The following ZNF202 variants were observed in gnomAD, a reference collection of about 807,000 sequenced individuals.
ZNF202 encodes zinc finger protein 202.
Under a neutral mutation model 54.5 loss-of-function variants are expected in ZNF202, and 22 were observed. The ratio of observed to expected loss-of-function variants is 0.40; its 90% confidence interval spans 0.29 to 0.58. ZNF202 has a LOEUF of 0.58. ZNF202 is among the 20% of genes least tolerant of loss of function. ZNF202 has a pLI of 0.39. For synonymous variants in ZNF202, 294 were observed against 301.4 expected (o/e 0.98, Z 0.26); for missense variants, 644 against 805.5 (o/e 0.80, Z 2.43).
At chr11:123,739,928 C>A (rs1281785783) in intron 3 of ZNF202, among the ~76,000 whole-genome samples, 189 bp downstream of exon 3, 1 of 152,142 alleles carries the variant, frequency 6.6e-6, no homozygotes, top group East Asian at 1.9e-4. Flanking sequence ...CCTTCAGGTG[C>A]TTATAGTAAG....
At chr11:123,727,112 G>T in intron 8 of ZNF202, 121 bp from the exon 9 acceptor site, 2 of 1,263,392 alleles carry the variant, frequency 1.6e-6, no homozygotes, top group African/African-American at 1.5e-5. Context: ...CCTGTCCTGT[G>T]CCAAGCACTT....
Position 123,723,936 on chromosome 11 carries a change from C to T in ZNF202, c.*2061G>A, listed in dbSNP as rs1173071473. On this transcript the variant is annotated 3_prime_UTR_variant, in exon 9 of 9. Coordinates refer to ENST00000530393, the MANE Select transcript of ZNF202 (RefSeq NM_003455.4). ...AGCTTTCCCTCATGTAGAACTCTGACAGATTTTCATTTATTGGAATAATGC... is the reference window on the plus strand; with the variant it reads ...AGCTTTCCCTCATGTAGAACTCTGATAGATTTTCATTTATTGGAATAATGC... 6.6e-6 allele frequency among the ~76,000 whole-genome samples: 1 copy of T among 152,186 alleles called. No homozygotes were observed. The highest frequency in any genetic ancestry group is 2.4e-5 in the African/African-American group (1 of 41,442).
At chr11:123,740,219 C>A (rs1003031131) in intron 2 of ZNF202, 27 bp from the exon 3 acceptor site, 2 of 152,186 alleles carry the variant, frequency 1.3e-5, no homozygotes, top group Non-Finnish European at 2.9e-5. Flanking sequence ...ACACAGAGTA[C>A]AAAAAGGGTA....
chr11:123,726,003 G>A lies in ZNF202; in HGVS notation c.1941C>T (p.Thr647=), dbSNP rs775014139. 9 of 1,611,000 alleles carry A rather than the reference G, an allele frequency of 5.6e-6. No individual in the cohort carries two copies. The South Asian group carries it at 8.8e-5, about 16-fold the overall frequency. The change falls in exon 9 of 9, where the codon ACC becomes ACT. Residue 647 remains threonine (T), a synonymous_variant. Transcript: ENST00000530393. The surrounding 1 kb of genome is among the most constrained non-coding windows in gnomAD (Gnocchi z 6.0). Reference sequence around the variant, plus strand: ...TCCTCACATGGGGACCTAGCTAGGAGGTCTTTTCTGAGTGGGTCCTCTGAT... The same window carrying A: ...TCCTCACATGGGGACCTAGCTAGGAAGTCTTTTCTGAGTGGGTCCTCTGAT... ...IRHQRTHSEK[T]S
In ZNF202 at chr11:123,726,078, C is replaced by T. The variant is rs199906902; in HGVS notation, c.1866G>A (p.Thr622=). The change falls in exon 9 of 9, where the codon ACG becomes ACA. Residue 622 remains threonine (T), a synonymous_variant. Coordinates refer to ENST00000530393, the MANE Select transcript of ZNF202 (RefSeq NM_003455.4). The surrounding 1 kb of genome is among the most constrained non-coding windows in gnomAD (Gnocchi z 6.0). The part of the protein sequence containing the change: ...QRTHTGEKPF[T]CPTCGKSFSR... ...TGAAGCTTTTTCCACAGGTAGGGCA[C>T]GTGAATGGTTTCTCCCCAGTGTGTG... The T allele has an allele frequency of 2.5e-5, 40 of 1,614,098 alleles. No homozygotes were observed. Among genetic ancestry groups the T allele is most frequent in the Admixed American group, 5.0e-5 (3 of 60,006 alleles).
At chr11:123,733,942 C>T (rs1205858002) in intron 3 of ZNF202, among the ~76,000 whole-genome samples, 1 of 152,174 alleles carries the variant, frequency 6.6e-6, no homozygotes, top group East Asian at 1.9e-4. Context: ...GTCCTATCTC[C>T]CTGTTGGAGT....
intron 3 of ZNF202, among the ~76,000 whole-genome samples, chr11:123,732,031 T>A (rs954294208): frequency 2.6e-5 from 4 of 152,196 alleles, no homozygotes; most frequent in Admixed American, 1.3e-4. Context: ...CATGTCTTTT[T>A]GAAGGTTGTT....
chr11:123,730,560 C>A lies in ZNF202; in HGVS notation c.329G>T (p.Arg110Leu). Residue 110 changes from arginine to leucine, a missense_variant, in exon 4 of 9, where the codon CGG becomes CTG. Arg to Leu is a moderately radical substitution (Grantham distance 102). This residue lies in a region of ZNF202 where 62 missense variants were observed against 122.8 expected (regional missense o/e 0.50). Transcript: ENST00000530393. The surrounding 1 kb of genome is among the most constrained non-coding windows in gnomAD (Gnocchi z 6.0). ...GELQSWVRGQRPESGEEAVTL... is the reference protein window; with the variant it reads ...GELQSWVRGQLPESGEEAVTL... ...CACTGCCTCCTCGCCACTTTCTGGC[C>A]GTTGGCCCCGCACCCAGCTCTGTAG... is the stretch of plus-strand genomic sequence containing the variant. 6.3e-7 allele frequency: 1 copy of A among 1,584,084 alleles called. No homozygotes were observed. Among genetic ancestry groups the A allele is most frequent in the Non-Finnish European group, 8.6e-7 (1 of 1,167,196 alleles).
chr11:123,734,515 T>G (rs1335037820), intron 3 of ZNF202, among the ~76,000 whole-genome samples: 1 of 152,198 alleles, frequency 6.6e-6, no homozygotes, highest in Non-Finnish European at 1.5e-5. Flanking sequence ...GTTAACTCTA[T>G]CCATCTTTCA....
At chr11:123,728,317 T>C in intron 6 of ZNF202, 55 bp from the exon 7 acceptor site, 1 of 1,545,862 alleles carries the variant, frequency 6.5e-7, no homozygotes, top group East Asian at 2.5e-5. Flanking sequence ...GCCTCGTATT[T>C]TGTCCCTGTT....
intron 3 of ZNF202, among the ~76,000 whole-genome samples, chr11:123,736,068 G>A (rs574825008): frequency 1.3e-5 from 2 of 152,302 alleles, no homozygotes; most frequent in South Asian, 2.1e-4. Context: ...GCATAGGATT[G>A]GAGAGGAGCT....
intron 3 of ZNF202, among the ~76,000 whole-genome samples, chr11:123,732,239 A>C (rs1388079305): frequency 2.0e-5 from 3 of 152,206 alleles, no homozygotes; most frequent in Non-Finnish European, 4.4e-5. Flanking sequence ...CACTATGATC[A>C]GAACGAGCTC....
At chr11:123,734,143 G>GACAC (rs2137353803) in intron 3 of ZNF202, among the ~76,000 whole-genome samples, 1 of 152,208 alleles carries the variant, frequency 6.6e-6, no homozygotes, top group South Asian at 2.1e-4. Flanking sequence ...GGGAGAGACA[G>GACAC]ACACACAGGG....
rs868110704 is a variant in ZNF202 at position 123,729,551 on chromosome 11, G to A, written c.613+64C>T. 29 of 840,992 alleles carry A rather than the reference G, an allele frequency of 3.4e-5. No individual in the cohort carries two copies. In the East Asian group the frequency reaches 6.5e-4, roughly 19 times the overall value. 52.1% of individuals were successfully genotyped at this position (840,992 alleles called of 1,614,324 possible). A position where few individuals can be genotyped will look rare whatever the true frequency, so the allele number is the denominator to read the frequency against. Reference sequence around the variant, plus strand: ...CTTCCTTGGTATAGGAGAAATGTCCGAGAAATGTCCCCCTCCTTGCCTGCC... The same window carrying A: ...CTTCCTTGGTATAGGAGAAATGTCCAAGAAATGTCCCCCTCCTTGCCTGCC... On this transcript the variant is annotated intron_variant, in intron 5 of 8. Transcript: ENST00000530393.
At chr11:123,732,552 T>A (rs995244707) in intron 3 of ZNF202, among the ~76,000 whole-genome samples, 1 of 152,204 alleles carries the variant, frequency 6.6e-6, no homozygotes, top group Non-Finnish European at 1.5e-5. Flanking sequence ...TCTTCTGAGA[T>A]GTTTTCTTTG....
At chr11:123,734,789 A>G (rs577628073) in intron 3 of ZNF202, among the ~76,000 whole-genome samples, 12 of 152,268 alleles carry the variant, frequency 7.9e-5, no homozygotes, top group Middle Eastern at 6.8e-3. Context: ...GTCTGTTTCC[A>G]GAAGGATAGA....
Position 123,726,994 on chromosome 11 carries a change from G to T in ZNF202, c.953-3C>A, listed in dbSNP as rs764685586. 3 of 1,604,340 alleles carry T rather than the reference G, an allele frequency of 1.9e-6. No homozygotes were observed. The African/African-American group carries it at 4.0e-5, about 22-fold the overall frequency. On this transcript the variant is annotated splice_polypyrimidine_tract_variant and splice_region_variant and intron_variant, in intron 8 of 8. Transcript: ENST00000530393. The surrounding 1 kb of genome is among the most constrained non-coding windows in gnomAD (Gnocchi z 6.0). ...TTCCTCATCTTTACTCCTATCTCCT[G>T]TAGAAAGGGTGAGAGGAAAAAGGGG...
chr11:123,731,538 G>A (rs1329092402), intron 3 of ZNF202, among the ~76,000 whole-genome samples: 1 of 152,218 alleles, frequency 6.6e-6, no homozygotes, highest in African/African-American at 2.4e-5. Flanking sequence ...AACCATGAGG[G>A]AGATGTGTAA....
intron 3 of ZNF202, among the ~76,000 whole-genome samples, chr11:123,734,482 T>G (rs904897066): frequency 2.6e-5 from 4 of 152,212 alleles, no homozygotes; most frequent in African/African-American, 9.6e-5. Context: ...TTGTCTGAAG[T>G]ACCCTTCTCC....
Sources: gnomAD v4.1 joint callset for allele counts (sites outside exome capture counted in the v4.1 genomes callset) on GRCh38, gnomAD v4.1.1 for gene constraint, gnomAD v4.1.1 regional missense constraint, Gnocchi (gnomAD v3.1) non-coding constraint, MANE v1.5 for transcripts, NCBI Gene and HGNC (gene_info 2026-07-23, HGNC 2026-07-21) for gene names.